The following PPFIA2 variants were observed in gnomAD, a reference collection of about 807,000 sequenced individuals.
PPFIA2 encodes the protein liprin-alpha-2.
In PPFIA2, 46 loss-of-function variants were observed where a neutral mutation model predicts 175.5. The ratio of observed to expected loss-of-function variants is 0.26; its 90% CI spans 0.21 to 0.34. PPFIA2 has a LOEUF of 0.34. PPFIA2 is among the 10% of genes least tolerant of loss of function. PPFIA2 has a pLI of 1.00. For synonymous variants in PPFIA2, 568 were observed against 511.4 expected (o/e 1.11, Z -1.49); for missense variants, 1,179 against 1,506.1 (o/e 0.78, Z 3.60).
intron 4 of PPFIA2, among the ~76,000 whole-genome samples, chr12:81,544,122 T>C (rs2066627242): frequency 6.6e-6 from 1 of 152,144 alleles, no homozygotes; most frequent in African/African-American, 2.4e-5. Context: ...CAATGTACCA[T>C]ACCAATGTAA....
At chr12:81,485,024 T>G (rs189607862) in intron 4 of PPFIA2, among the ~76,000 whole-genome samples, 2 of 151,968 alleles carry the variant, frequency 1.3e-5, no homozygotes, top group African/African-American at 4.8e-5. Flanking sequence ...ATATAGTAGG[T>G]GAAAATTATA....
chr12:81,268,747 T>C (rs1463750585), intron 28 of PPFIA2, among the ~76,000 whole-genome samples: 1 of 152,232 alleles, frequency 6.6e-6, no homozygotes, highest in East Asian at 1.9e-4. Context: ...ACATTTCTTA[T>C]TTGTGTCTTG....
intron 4 of PPFIA2, among the ~76,000 whole-genome samples, chr12:81,661,383 G>A (rs547567139): frequency 9.2e-5 from 14 of 152,166 alleles, no homozygotes; most frequent in African/African-American, 3.1e-4. Flanking sequence ...AACAGAAAAA[G>A]GCAGGGTTTG....
intron 4 of PPFIA2, among the ~76,000 whole-genome samples, chr12:81,548,170 T>G (rs909603058): frequency 5.3e-5 from 8 of 152,172 alleles, no homozygotes; most frequent in African/African-American, 1.4e-4. Flanking sequence ...AGGAGATAGA[T>G]CCCAAGATTC....
intron 29 of PPFIA2, 84 bp from the exon 30 acceptor site, chr12:81,267,104 A>G: frequency 1.0e-6 from 1 of 979,912 alleles, no homozygotes; most frequent in Non-Finnish European, 1.6e-6. Flanking sequence ...CTGATAATGT[A>G]TTATAAACCA....
intron 22 of PPFIA2, among the ~76,000 whole-genome samples, chr12:81,320,143 T>A (rs890424974): frequency 1.3e-5 from 2 of 152,014 alleles, no homozygotes; most frequent in African/African-American, 4.8e-5. Context: ...ATAAATATTT[T>A]CCATATCATT....
chr12:81,420,845 C>T (rs1263868033), intron 7 of PPFIA2, among the ~76,000 whole-genome samples: 1 of 151,464 alleles, frequency 6.6e-6, no homozygotes, highest in Non-Finnish European at 1.5e-5. Context: ...AAGATCAACC[C>T]CAAAACACTG....
chr12:81,647,790 A>C (rs1184746756), intron 4 of PPFIA2, among the ~76,000 whole-genome samples: 1 of 109,900 alleles, frequency 9.1e-6, no homozygotes, highest in East Asian at 3.0e-4. Context: ...ATATACATAT[A>C]ATATAATATA....
At chr12:81,266,749 GATA>G (rs1473262863) in intron 30 of PPFIA2, among the ~76,000 whole-genome samples, 200 bp downstream of exon 30, 2 of 152,090 alleles carry the variant, frequency 1.3e-5, no homozygotes, top group Non-Finnish European at 2.9e-5. Flanking sequence ...CTGCTGAAAT[GATA>G]ATATTTATGA....
intron 4 of PPFIA2, among the ~76,000 whole-genome samples, chr12:81,558,241 T>C (rs534421143): frequency 6.6e-6 from 1 of 152,292 alleles, no homozygotes; most frequent in Admixed American, 6.5e-5. Flanking sequence ...TTCTAGCAAC[T>C]AAGTTGAAAT....
chr12:81,426,578 T>C lies in PPFIA2; in HGVS notation c.645+13394A>G, dbSNP rs2047176264. On this transcript the variant is annotated intron_variant, in intron 7 of 32. Coordinates refer to ENST00000549396, the MANE Select transcript of PPFIA2 (RefSeq NM_003625.5). ...TGATCAAGTTATATTTGTTTTTTGC[T>C]AGGAAGTTTTTTAAAAGTAAAATCA... Among the ~76,000 whole-genome samples, 3 of 152,304 alleles carry C rather than the reference T, an allele frequency of 2.0e-5. No homozygotes were observed. The South Asian group carries it at 6.2e-4, about 32-fold the overall frequency.
intron 3 of PPFIA2, among the ~76,000 whole-genome samples, chr12:81,724,076 T>C (rs1173542596): frequency 6.6e-6 from 1 of 150,818 alleles, no homozygotes; most frequent in Non-Finnish European, 1.5e-5. Flanking sequence ...TTCCCAATCA[T>C]CTTTTGGCTT....
At position 81,514,639 on chromosome 12, in the gene PPFIA2, G is replaced by A. The variant is rs193106025; in HGVS notation, c.304-56773C>T. ...GAAATAAAACAGTTTAAGGAAATTT[G>A]GTATGCTTAAATCATGCAATTCTGA... is the stretch of plus-strand genomic sequence containing the variant. On this transcript the variant is annotated intron_variant, in intron 4 of 32. Coordinates refer to ENST00000549396, the MANE Select transcript of PPFIA2 (RefSeq NM_003625.5). 1.7e-4 allele frequency among the ~76,000 whole-genome samples: 26 copies of A among 151,776 alleles called. No homozygotes were observed. The East Asian group carries it at 1.9e-3, about 11-fold the overall frequency.
At chr12:81,697,222 A>G (rs989225579) in intron 3 of PPFIA2, among the ~76,000 whole-genome samples, 1 of 152,122 alleles carries the variant, frequency 6.6e-6, no homozygotes, top group African/African-American at 2.4e-5. Context: ...CAGAAAGTGT[A>G]TACACTCCAA....
rs2038439114 is a variant in PPFIA2 at position 81,384,315 on chromosome 12, AG to A, written c.763-72del. The A allele has an allele frequency of 1.3e-5, 15 of 1,140,174 alleles. No homozygotes were observed. The South Asian group carries it at 2.5e-4, about 19-fold the overall frequency. 70.6% of individuals were successfully genotyped at this position (1,140,174 alleles called of 1,614,324 possible). On this transcript the variant is annotated intron_variant, in intron 8 of 32. Transcript: ENST00000549396. ...AATTTAAAATTTAAAATAAACTTAA[AG>A]AAATTAAACTGACACTGCTTTCACA...
chr12:81,625,938 C>T (rs2062648384), intron 4 of PPFIA2, among the ~76,000 whole-genome samples: 3 of 150,026 alleles, frequency 2.0e-5, no homozygotes, highest in East Asian at 2.0e-4. Context: ...GAAATGATGC[C>T]TAAGTCACAG....
At chr12:81,395,351 T>C (rs1167774675) in intron 8 of PPFIA2, among the ~76,000 whole-genome samples, 1 of 152,042 alleles carries the variant, frequency 6.6e-6, no homozygotes, top group Non-Finnish European at 1.5e-5. Context: ...TATGTACACA[T>C]GGTAAAACAG....
intron 3 of PPFIA2, among the ~76,000 whole-genome samples, chr12:81,711,681 C>T (rs2077945220): frequency 6.6e-6 from 1 of 150,928 alleles, no homozygotes; most frequent in African/African-American, 2.4e-5. Flanking sequence ...TTAATACTTG[C>T]CTATTAGTGC....
intron 3 of PPFIA2, among the ~76,000 whole-genome samples, chr12:81,701,681 T>C (rs1245019804): frequency 1.3e-5 from 2 of 152,140 alleles, no homozygotes; most frequent in African/African-American, 4.8e-5. Context: ...AGATAGTTTA[T>C]GAGACATAGT....
Sources: gnomAD v4.1 joint callset for allele counts (sites outside exome capture counted in the v4.1 genomes callset) on GRCh38, gnomAD v4.1.1 for gene constraint, MANE v1.5 for transcripts, NCBI Gene and HGNC (gene_info 2026-07-23, HGNC 2026-07-21) for gene names.